PCLO: variants seen among roughly 807,000 people sequenced by gnomAD.
PCLO encodes protein piccolo.
Under a neutral mutation model 427.5 loss-of-function variants are expected in PCLO, and 82 were observed. The observed-to-expected ratio is 0.19, with a 90% CI of 0.16 to 0.23. PCLO has a LOEUF of 0.23. Ranked by LOEUF, PCLO falls within the 10% of genes least tolerant of loss-of-function variation. PCLO has a pLI of 1.00. For missense variants in PCLO, 6,239 were observed against 6,115.9 expected (o/e 1.02, Z -0.67); for synonymous variants, 2,357 against 2,155.4 (o/e 1.09, Z -2.59).
chr7:83,115,051 A>T (rs1041593927), intron 3 of PCLO, among the ~76,000 whole-genome samples: 2 of 152,096 alleles, frequency 1.3e-5, no homozygotes, highest in East Asian at 3.8e-4. Flanking sequence ...TTGATGAATT[A>T]AACAAGAATG....
At chr7:83,030,316 T>G (rs1160682641) in intron 3 of PCLO, among the ~76,000 whole-genome samples, 1 of 152,156 alleles carries the variant, frequency 6.6e-6, no homozygotes, top group African/African-American at 2.4e-5. Flanking sequence ...CTACAGGGGA[T>G]ATCCCTTCGA....
chr7:82,950,832 C>T lies in PCLO; in HGVS notation c.9756G>A (p.Met3252Ile). Residue 3252 changes from methionine to isoleucine, a missense_variant, in exon 6 of 25, where the codon ATG (methionine) becomes ATA (isoleucine). Met to Ile is a conservative substitution (Grantham distance 10). This residue lies in a region of PCLO where 4,677 missense variants were observed against 4,468.4 expected (regional missense o/e 1.05). Transcript: ENST00000333891. ...IQRFREQEKI[M>I]VQKKLEELQS... ...GCAGCTCCTCCAACTTTTTCTGAACCATGATCTTTTCTTGTTCTCGGAACC... is the reference window on the plus strand; with the variant it reads ...GCAGCTCCTCCAACTTTTTCTGAACTATGATCTTTTCTTGTTCTCGGAACC... 1 of 1,613,676 alleles carries T rather than the reference C, an allele frequency of 6.2e-7. No homozygotes were observed. Among genetic ancestry groups the T allele is most frequent in the Non-Finnish European group, 8.5e-7 (1 of 1,179,852 alleles).
intron 9 of PCLO, among the ~76,000 whole-genome samples, chr7:82,889,722 A>C (rs560784513): frequency 6.6e-6 from 1 of 152,172 alleles, no homozygotes; most frequent in Admixed American, 6.6e-5. Context: ...ATAAATGCCA[A>C]TCAATTAGAA....
At chr7:82,776,215 T>C (rs117829746) in intron 22 of PCLO, among the ~76,000 whole-genome samples, 4,823 of 152,328 alleles carry the variant, frequency 0.032, 117 homozygotes, top group Non-Finnish European at 0.049. Context: ...CTACGTTAAA[T>C]ATTACTAGAG....
intron 3 of PCLO, among the ~76,000 whole-genome samples, chr7:83,108,118 C>G (rs1369198383): frequency 6.6e-6 from 1 of 150,990 alleles, no homozygotes; most frequent in Admixed American, 6.6e-5. Context: ...TAAAGTACTA[C>G]AGTTTATATA....
chr7:82,891,319 G>T (rs1793759904), intron 9 of PCLO, among the ~76,000 whole-genome samples: 1 of 152,046 alleles, frequency 6.6e-6, no homozygotes, highest in East Asian at 1.9e-4. Flanking sequence ...GAGTAGCAAT[G>T]AAGGCAAGGA....
chr7:82,972,045 G>A (rs1795919729), intron 3 of PCLO, among the ~76,000 whole-genome samples: 1 of 151,762 alleles, frequency 6.6e-6, no homozygotes, highest in Non-Finnish European at 1.5e-5. Flanking sequence ...TTTATTCAGT[G>A]CTATAACATT....
chr7:83,134,218 A>AATATACATATAT (rs1554402642), intron 3 of PCLO, 32 bp downstream of exon 3: 4 of 430,260 alleles, frequency 9.3e-6, no homozygotes, highest in Non-Finnish European at 1.0e-5. Context: ...CTCCATATGT[A>AATATACATATAT]ATATATATAT....
chr7:83,103,454 A>G (rs1331525352), intron 3 of PCLO, among the ~76,000 whole-genome samples: 1 of 151,946 alleles, frequency 6.6e-6, no homozygotes, highest in African/African-American at 2.4e-5. Context: ...ACCTCTAGCA[A>G]GCAGCCAACC....
intron 6 of PCLO, among the ~76,000 whole-genome samples, chr7:82,939,226 G>A (rs978355959): frequency 1.3e-5 from 2 of 151,926 alleles, no homozygotes; most frequent in African/African-American, 4.8e-5. Flanking sequence ...TTACATTTCT[G>A]GACATGGGGT....
intron 3 of PCLO, among the ~76,000 whole-genome samples, chr7:83,119,995 G>GA (rs1791234601): frequency 6.6e-6 from 1 of 151,748 alleles, no homozygotes; most frequent in Non-Finnish European, 1.5e-5. Flanking sequence ...AGTTACAGGA[G>GA]AAAAAAATAT....
intron 3 of PCLO, among the ~76,000 whole-genome samples, chr7:83,028,513 G>C (rs1421614794): frequency 8.3e-6 from 1 of 121,112 alleles, no homozygotes; most frequent in Non-Finnish European, 1.8e-5. Flanking sequence ...AATCAATATC[G>C]TGAAAATGGC....
rs1789764778 is a variant in PCLO, at chr7:83,069,806, C to CACACACACACACAT, written c.3300+64443_3300+64444insATGTGTGTGTGTGT. Reference sequence around the variant, plus strand: ...CCCACCCCACCCCCCCGCCCACACACACACACACACACACACACACAAAGA... The same window carrying CACACACACACACAT: ...CCCACCCCACCCCCCCGCCCACACACACACACACACACATACACACACACACACACACACAAAGA... On this transcript the variant is annotated intron_variant, in intron 3 of 24. Coordinates refer to ENST00000333891, the MANE Select transcript of PCLO (RefSeq NM_033026.6). 5.9e-5 allele frequency among the ~76,000 whole-genome samples: 8 copies of CACACACACACACAT among 136,234 alleles called. No individual in the cohort carries two copies. The South Asian group carries it at 2.2e-3, about 37-fold the overall frequency. The allele number at this position is 136,234 out of a possible 152,430, so 89.4% of individuals were successfully genotyped here.
chr7:82,938,788 A>C (rs1795014316), intron 6 of PCLO, among the ~76,000 whole-genome samples: 1 of 152,112 alleles, frequency 6.6e-6, no homozygotes, highest in Non-Finnish European at 1.5e-5. Flanking sequence ...ATGGCTACCT[A>C]ATGTTGTTTC....
At chr7:83,052,192 C>A (rs756077539) in intron 3 of PCLO, among the ~76,000 whole-genome samples, 1 of 151,724 alleles carries the variant, frequency 6.6e-6, no homozygotes, top group Non-Finnish European at 1.5e-5. Flanking sequence ...AATATTAGCC[C>A]ATCAATTGTA....
chr7:83,087,735 CAT>C (rs1376470420), intron 3 of PCLO, among the ~76,000 whole-genome samples: 8 of 151,630 alleles, frequency 5.3e-5, no homozygotes, highest in Non-Finnish European at 2.9e-5. Context: ...ATCTAATAAA[CAT>C]GTGACAAATC....
intron 10 of PCLO, chr7:82,868,000 T>G (rs569450342): frequency 2.7e-6 from 1 of 372,026 alleles, no homozygotes; most frequent in South Asian, 2.1e-5. Context: ...CCTAAATATA[T>G]ATTAGAAAAT....
chr7:83,037,803 T>C (rs1562932567), intron 3 of PCLO, among the ~76,000 whole-genome samples: 1 of 149,814 alleles, frequency 6.7e-6, no homozygotes, highest in Non-Finnish European at 1.5e-5. Context: ...TTCTCCAACT[T>C]ATAATTCACA....
Position 82,914,840 on chromosome 7 carries a change from T to C in PCLO, c.13146A>G (p.Pro4382=), listed in dbSNP as rs758794764. ...GATCCCTGGTGTCTGCAGATATTGG[T>C]GGCAGGGGTCCAGCTGCAGCCCTGG... ...GMARAAAGPL[P]PISADTRDQF... Residue 4382 remains proline (P), a synonymous_variant, in exon 7 of 25, where the codon CCA becomes CCG. Transcript: ENST00000333891. The C allele has an allele frequency of 6.2e-7, 1 of 1,613,478 alleles. No individual in the cohort carries two copies. The highest frequency in any genetic ancestry group is 8.5e-7 in the Non-Finnish European group (1 of 1,179,706).
Sources: gnomAD v4.1 joint callset for allele counts (sites outside exome capture counted in the v4.1 genomes callset) on GRCh38, gnomAD v4.1.1 for gene constraint, gnomAD v4.1.1 regional missense constraint, MANE v1.5 for transcripts, NCBI Gene and HGNC (gene_info 2026-07-23, HGNC 2026-07-21) for gene names.